Variants in PPP2R3B observed in about 807,000 individuals in gnomAD.
The protein encoded by PPP2R3B is protein phosphatase 2 regulatory subunit B''beta, also known as serine/threonine-protein phosphatase 2A regulatory subunit B'' subunit beta.
Under a neutral mutation model 72.9 loss-of-function variants are expected in PPP2R3B, and 68 were observed. The observed-to-expected ratio is 0.93, with a 90% CI of 0.77 to 1.14. The LOEUF is 1.14. PPP2R3B is among the 50% of genes most tolerant of loss of function. PPP2R3B has a pLI of 0.00. For synonymous variants in PPP2R3B, 466 were observed against 375.8 expected, an observed-to-expected ratio of 1.24 and a Z score of -2.78; for missense variants, 1,018 against 842.0, an observed-to-expected ratio of 1.21 and a Z score of -2.59.
Position 347,279 on chromosome X carries a change from G to A in PPP2R3B, c.672C>T (p.Pro224=), listed in dbSNP as rs201009496. 680 of 1,613,782 alleles carry A rather than the reference G, an allele frequency of 4.2e-4. 2 individuals carry two copies. The highest frequency in any genetic ancestry group is 1.3e-3 in the East Asian group (59 of 44,878). The change falls in exon 4 of 13, where the codon CCC becomes CCT. Residue 224 remains proline, a synonymous_variant. Coordinates refer to ENST00000390665, the MANE Select transcript of PPP2R3B (RefSeq NM_013239.5). Reference sequence around the variant, plus strand: ...CCTCCTGCACCAGGTAGTTGCAGCCGGGGCTCATGAGCAGATGGACGAACT... The same window carrying A: ...CCTCCTGCACCAGGTAGTTGCAGCCAGGGCTCATGAGCAGATGGACGAACT... ...AAKFVHLLMS[P]GCNYLVQEDF...
At chrX:375,662 G>A (rs1241898551) in intron 1 of PPP2R3B, among the ~76,000 whole-genome samples, 5 of 152,226 alleles carry the variant, frequency 3.3e-5, no homozygotes, top group Non-Finnish European at 5.9e-5. Context: ...CACTACACAC[G>A]GACGGCCTCC....
At chrX:373,642 G>C (rs1159862539) in intron 1 of PPP2R3B, 1 of 277,466 alleles carries the variant, frequency 3.6e-6, no homozygotes, top group Non-Finnish European at 7.6e-6. Flanking sequence ...CGCAGCGAGC[G>C]CTCGCGGAGT....
intron 2 of PPP2R3B, among the ~76,000 whole-genome samples, chrX:360,205 C>T (rs140834051): frequency 0.01 from 1,596 of 152,284 alleles, 20 homozygotes; most frequent in Non-Finnish European, 0.016. Context: ...CATCCCAAAA[C>T]CAACTCATTT....
In PPP2R3B at chrX:363,342, ACCATC is replaced by A. The variant is rs1569403616; in HGVS notation, c.325-1757_325-1753del. Among the ~76,000 whole-genome samples the A allele has an allele frequency of 3.2e-4, 40 of 124,152 alleles. 2 individuals are homozygous for A. The highest frequency in any genetic ancestry group is 3.8e-4 in the Non-Finnish European group (23 of 60,908). 81.4% of individuals were successfully genotyped at this position (124,152 alleles called of 152,430 possible). A position where few individuals can be genotyped will look rare whatever the true frequency, so the allele number is the denominator to read the frequency against. ...TCCCACAGTGCATCTCCCCGAGCCC[ACCATC>A]CCGCAGTGCATCTCTCCGAGCCCAC... On this transcript the variant is annotated intron_variant, in intron 1 of 12. Transcript: ENST00000390665.
intron 5 of PPP2R3B, 155 bp from the exon 6 acceptor site, chrX:346,415 G>T: frequency 1.4e-6 from 1 of 730,858 alleles, no homozygotes; most frequent in Non-Finnish European, 2.2e-6. Context: ...CCCTGCGGGA[G>T]GCGCCGCCCC....
intron 2 of PPP2R3B, among the ~76,000 whole-genome samples, chrX:349,170 T>C (rs371276732): frequency 6.6e-6 from 1 of 152,014 alleles, no homozygotes; most frequent in African/African-American, 2.4e-5. Context: ...GGCGATGGTG[T>C]TGGGAGGTGG....
At chrX:340,583 C>T (rs1291747763) in intron 10 of PPP2R3B, 182 bp downstream of exon 10, 1 of 130,522 alleles carries the variant, frequency 7.7e-6, no homozygotes, top group South Asian at 2.6e-4. Context: ...CACCCTGGGC[C>T]GTCCTCCCTC....
At chrX:346,539 G>C (rs2071218191) in intron 5 of PPP2R3B, 162 bp downstream of exon 5, 7 of 707,206 alleles carry the variant, frequency 9.9e-6, no homozygotes, top group Non-Finnish European at 1.6e-5. Context: ...CCCAACACCG[G>C]GCTCCCGGGC....
intron 2 of PPP2R3B, among the ~76,000 whole-genome samples, chrX:354,944 C>T (rs1273961742): frequency 1.1e-4 from 17 of 152,332 alleles, no homozygotes; most frequent in African/African-American, 2.2e-4. Flanking sequence ...CGCTGCGTCA[C>T]GGACGACTTG....
intron 1 of PPP2R3B, among the ~76,000 whole-genome samples, chrX:363,323 AGTGC>A (rs1338850750): frequency 2.9e-4 from 44 of 149,480 alleles, no homozygotes; most frequent in Middle Eastern, 7.5e-3. Context: ...ACCATCCCAC[AGTGC>A]ATCTCCCCGA....
At position 344,515 on chromosome X, in the gene PPP2R3B, C is replaced by G. The variant is rs1931725123; in HGVS notation, c.1036+1001G>C. Reference sequence around the variant, plus strand: ...GCGCAGCCCGGCCGCACACGGCATCCTGCCCTGGGACCGAGAGTGGGCTCC... The same window carrying G: ...GCGCAGCCCGGCCGCACACGGCATCGTGCCCTGGGACCGAGAGTGGGCTCC... On this transcript the variant is annotated intron_variant, in intron 7 of 12. Coordinates refer to ENST00000390665, the MANE Select transcript of PPP2R3B (RefSeq NM_013239.5). 2.0e-5 allele frequency among the ~76,000 whole-genome samples: 3 copies of G among 152,264 alleles called. No homozygotes were observed. In the South Asian group the frequency reaches 6.2e-4, roughly 31 times the overall value.
At chrX:359,900 G>A (rs780852631) in intron 2 of PPP2R3B, 5 of 491,746 alleles carry the variant, frequency 1.0e-5, no homozygotes, top group African/African-American at 9.9e-5. Context: ...AATGTGTCTA[G>A]TTTGTTAGTG....
At position 334,390 on chromosome X, in the gene PPP2R3B, C is replaced by G. The variant is rs751011578; in HGVS notation, c.1705G>C (p.Asp569His). Residue 569 changes from aspartate to histidine, a missense_variant, in exon 13 of 13, where the codon GAC becomes CAC. Coordinates refer to ENST00000390665, the MANE Select transcript of PPP2R3B (RefSeq NM_013239.5). ...AVDLYEYACG[D>H]EDLEPL ...CGTCACAGCGGCTCCAGGTCCTCGT[C>G]CCCGCATGCGTACTCGTACAGGTCC... 2 of 1,533,076 alleles carry G rather than the reference C, an allele frequency of 1.3e-6. No homozygotes were observed. Among genetic ancestry groups the G allele is most frequent in the African/African-American group, 2.9e-5 (2 of 70,102 alleles). 95.0% of individuals were successfully genotyped at this position (1,533,076 alleles called of 1,614,324 possible).
chrX:342,985 CCAACGGGAGGCGGGAGTGAGACCTCAG>C (rs2071116639), intron 7 of PPP2R3B, among the ~76,000 whole-genome samples: 3 of 6,304 alleles, frequency 4.8e-4, no homozygotes. Context: ...TGAGACCTCG[CCAACGGGAGGCGGGAGTGAGACCTCAG>C]CAACGGGAGG....
intron 10 of PPP2R3B, among the ~76,000 whole-genome samples, chrX:339,145 C>G (rs755157493): frequency 0.015 from 2,343 of 151,246 alleles, 72 homozygotes; most frequent in African/African-American, 0.054. Context: ...TGGACTGGGA[C>G]TAGCGCAGGG....
chrX:384,235 G>T (rs1429376037), intron 1 of PPP2R3B, among the ~76,000 whole-genome samples: 9 of 150,856 alleles, frequency 6.0e-5, no homozygotes, highest in African/African-American at 2.2e-4. Context: ...TGCTTATCTT[G>T]GCCTCAAGCT....
At chrX:367,455 G>T (rs1384793612) in intron 1 of PPP2R3B, among the ~76,000 whole-genome samples, 1 of 151,910 alleles carries the variant, frequency 6.6e-6, no homozygotes, top group Non-Finnish European at 1.5e-5. Flanking sequence ...TAGAGACGGG[G>T]TCTCGCTATG....
chrX:361,638 C>T lies in PPP2R3B; in HGVS notation c.325-48G>A, dbSNP rs116978323. ...TCAGTTAGAACCTGGGAGCATCGAACGCCTTCTTCACCCGGACAACACACG... is the reference window on the plus strand; with the variant it reads ...TCAGTTAGAACCTGGGAGCATCGAATGCCTTCTTCACCCGGACAACACACG... On this transcript the variant is annotated intron_variant, in intron 1 of 12. Transcript: ENST00000390665. 977 of 1,600,426 alleles carry T rather than the reference C, an allele frequency of 6.1e-4. 6 individuals are homozygous for T. The African/African-American group carries it at 0.01, about 17-fold the overall frequency.
chrX:386,400 G>C lies in PPP2R3B; in HGVS notation c.292C>G (p.Arg98Gly). The change falls in exon 1 of 13, where the codon CGA (arginine) becomes GGA (glycine). Residue 98 changes from arginine to glycine, a missense_variant. Physicochemically the swap from Arg to Gly is moderately radical, Grantham distance 125 (BLOSUM62 -2). Transcript: ENST00000390665. ...GTCCCTGCGGATCTACGGGTGCCTC[G>C]AACGTGGGGCGCGTTCCTGGGGCTG... ...ASSPRNAPHV[R>G]GTRRSAGTRV... The C allele has an allele frequency of 7.6e-7, 1 of 1,320,464 alleles. No homozygotes were observed. Among genetic ancestry groups the C allele is most frequent in the African/African-American group, 1.5e-5 (1 of 66,476 alleles). 81.8% of individuals were successfully genotyped at this position (1,320,464 alleles called of 1,614,324 possible). A position where few individuals can be genotyped will look rare whatever the true frequency, so the allele number is the denominator to read the frequency against.
Sources: allele counts gnomAD v4.1 joint callset (sites outside exome capture counted in the v4.1 genomes callset), GRCh38; gene constraint gnomAD v4.1.1; transcripts MANE v1.5; gene names NCBI Gene and HGNC (gene_info 2026-07-23, HGNC 2026-07-21).